The following EIF4G3 variants were observed in gnomAD, a reference collection of about 807,000 sequenced individuals.
EIF4G3 encodes eIF-4-gamma 3.
Under a neutral mutation model 186.4 loss-of-function variants are expected in EIF4G3, and 34 were observed. That is an observed-to-expected ratio of 0.18 (90% CI 0.14 to 0.24). EIF4G3 has a LOEUF of 0.24. Among genes scored for constraint, EIF4G3 ranks in the 10% least tolerant of loss-of-function variants. The pLI is 1.00. For missense variants in EIF4G3, 1,536 were observed against 1,948.5 expected (o/e 0.79, Z 3.99); for synonymous variants, 673 against 679.5 (o/e 0.99, Z 0.15).
At chr1:20,876,624 T>C (rs2080954369) in intron 20 of EIF4G3, among the ~76,000 whole-genome samples, 1 of 152,112 alleles carries the variant, frequency 6.6e-6, no homozygotes, top group Admixed American at 6.6e-5. Flanking sequence ...ATTAACTGGC[T>C]GGGGCTGCAA....
chr1:20,855,670 A>T (rs1257745300), intron 25 of EIF4G3, among the ~76,000 whole-genome samples: 3 of 152,230 alleles, frequency 2.0e-5, no homozygotes, highest in Non-Finnish European at 4.4e-5. Flanking sequence ...ATTATAAAAT[A>T]CATATAACAT....
chr1:21,072,323 C>T (rs762024628), intron 3 of EIF4G3, among the ~76,000 whole-genome samples: 1 of 152,152 alleles, frequency 6.6e-6, no homozygotes, highest in Non-Finnish European at 1.5e-5. Flanking sequence ...TCCTTGAGCC[C>T]AGGAGTTTGA....
At chr1:21,041,993 T>C (rs867938782) in intron 4 of EIF4G3, among the ~76,000 whole-genome samples, 32 of 151,798 alleles carry the variant, frequency 2.1e-4, no homozygotes, top group Middle Eastern at 3.4e-3. Flanking sequence ...TCTTTTCTTT[T>C]TTTTTTTTTT....
chr1:21,086,460 G>A (rs2095982983), intron 3 of EIF4G3, among the ~76,000 whole-genome samples: 2 of 151,838 alleles, frequency 1.3e-5, no homozygotes, highest in Admixed American at 6.6e-5. Flanking sequence ...ACTGTCTACT[G>A]GCCATTCCAT....
intron 32 of EIF4G3, among the ~76,000 whole-genome samples, 184 bp from the exon 33 acceptor site, chr1:20,825,382 G>A (rs1335912611): frequency 7.0e-6 from 1 of 143,612 alleles, no homozygotes; most frequent in African/African-American, 2.6e-5. Context: ...GGAGGCTGAG[G>A]TGGGAAGACA....
At chr1:20,888,785 A>G (rs2085039748) in intron 18 of EIF4G3, among the ~76,000 whole-genome samples, 1 of 152,244 alleles carries the variant, frequency 6.6e-6, no homozygotes, top group Non-Finnish European at 1.5e-5. Flanking sequence ...AAACTGATAC[A>G]TAAATTTAAA....
In EIF4G3 at chr1:20,970,851, C is replaced by A. The variant is rs187395754; in HGVS notation, c.592-1255G>T. ...CGGTGGCAGGCGCCTGTAATCCCAGCTACTTGGGAGATTGAGGCAGGAGAA... is the reference window on the plus strand; with the variant it reads ...CGGTGGCAGGCGCCTGTAATCCCAGATACTTGGGAGATTGAGGCAGGAGAA... On this transcript the variant is annotated intron_variant, in intron 11 of 36. Transcript: ENST00000602326. Among the ~76,000 whole-genome samples, 1,372 of 152,008 alleles carry A rather than the reference C, an allele frequency of 9.0e-3. 78 individuals are homozygous for A. The highest frequency in any genetic ancestry group is 0.084 in the Admixed American group (1,289 of 15,274).
chr1:20,822,588 C>CTT (rs71014119), intron 33 of EIF4G3, among the ~76,000 whole-genome samples: 3 of 129,720 alleles, frequency 2.3e-5, no homozygotes, highest in African/African-American at 8.4e-5. Context: ...GTTCTAATTT[C>CTT]TTTTTTTTTT....
intron 14 of EIF4G3, among the ~76,000 whole-genome samples, chr1:20,936,724 C>G (rs2095528095): frequency 2.0e-5 from 3 of 152,154 alleles, no homozygotes; most frequent in African/African-American, 7.2e-5. Context: ...AATACTCTCA[C>G]AGTTGAGAAT....
intron 2 of EIF4G3, among the ~76,000 whole-genome samples, chr1:21,098,110 A>T (rs1464169207): frequency 6.6e-6 from 1 of 152,182 alleles, no homozygotes; most frequent in African/African-American, 2.4e-5. Context: ...AAGAAAATTG[A>T]TAAACTGAAC....
At chr1:21,126,460 A>C (rs143220085) in intron 2 of EIF4G3, among the ~76,000 whole-genome samples, 2 of 152,098 alleles carry the variant, frequency 1.3e-5, no homozygotes, top group Admixed American at 1.3e-4. Flanking sequence ...CAGTAGTTCA[A>C]GATCAGCCTG....
intron 4 of EIF4G3, among the ~76,000 whole-genome samples, chr1:21,007,808 T>C (rs1384733184): frequency 1.3e-5 from 2 of 152,176 alleles, no homozygotes; most frequent in Non-Finnish European, 2.9e-5. Flanking sequence ...TAAGAAAATA[T>C]GTAGCAAATT....
intron 18 of EIF4G3, among the ~76,000 whole-genome samples, chr1:20,889,584 G>A (rs1047670319): frequency 4.6e-5 from 7 of 151,776 alleles, no homozygotes; most frequent in East Asian, 2.0e-4. Context: ...ATAAGCTCCC[G>A]GGCTTACACC....
chr1:20,925,255 A>G (rs1051549652), intron 14 of EIF4G3, among the ~76,000 whole-genome samples: 3 of 152,202 alleles, frequency 2.0e-5, no homozygotes, highest in Non-Finnish European at 4.4e-5. Context: ...GTTATTCATG[A>G]TTTATACAAT....
rs10916885 is a variant in EIF4G3, at chr1:20,862,210, A to G, written c.3111+18T>C. 1.5e-6 allele frequency: 2 copies of G among 1,300,854 alleles called. No homozygotes were observed. The highest frequency in any genetic ancestry group is 1.1e-6 in the Non-Finnish European group (1 of 925,626). 80.6% of individuals were successfully genotyped at this position (1,300,854 alleles called of 1,614,324 possible). ...AGACTGGACCAGCAGGCTTATTATTATTTTTTTTCCCACTCACCAGCCTTA... is the reference window on the plus strand; with the variant it reads ...AGACTGGACCAGCAGGCTTATTATTGTTTTTTTTCCCACTCACCAGCCTTA... On this transcript the variant is annotated intron_variant, in intron 23 of 36. Transcript: ENST00000602326.
chr1:20,904,118 CTTATT>C (rs908570012), intron 15 of EIF4G3, among the ~76,000 whole-genome samples: 3 of 152,082 alleles, frequency 2.0e-5, no homozygotes, highest in Non-Finnish European at 4.4e-5. Flanking sequence ...TCTCGCATGG[CTTATT>C]TTAAGACAGA....
chr1:20,970,050 G>A (rs2075514644), intron 11 of EIF4G3, among the ~76,000 whole-genome samples: 1 of 151,778 alleles, frequency 6.6e-6, no homozygotes, highest in Non-Finnish European at 1.5e-5. Context: ...TGCAATCTCC[G>A]CCACCCAGGT....
At chr1:20,878,969 C>CT (rs1407623862) in intron 20 of EIF4G3, among the ~76,000 whole-genome samples, 1 of 152,134 alleles carries the variant, frequency 6.6e-6, no homozygotes, top group East Asian at 1.9e-4. Context: ...AAATTTCAAA[C>CT]TTAATTAAAT....
chr1:21,075,859 A>C (rs1327122047), intron 3 of EIF4G3, among the ~76,000 whole-genome samples: 3 of 152,194 alleles, frequency 2.0e-5, no homozygotes, highest in African/African-American at 7.2e-5. Flanking sequence ...AAAGGGTGAG[A>C]TAGACTAAAA....
Sources: allele counts gnomAD v4.1 joint callset (sites outside exome capture counted in the v4.1 genomes callset), GRCh38; gene constraint gnomAD v4.1.1; transcripts MANE v1.5; gene names NCBI Gene and HGNC (gene_info 2026-07-23, HGNC 2026-07-21).